PIGB: variants seen among roughly 807,000 people sequenced by gnomAD.
The protein encoded by PIGB is GPI alpha-1,2-mannosyltransferase 3.
Under a neutral mutation model 68.4 loss-of-function variants are expected in PIGB, and 58 were observed. The ratio of observed to expected loss-of-function variants is 0.85; its 90% CI spans 0.69 to 1.06. The LOEUF is 1.06. Ranked by LOEUF, PIGB falls within the 50% of genes least tolerant of loss-of-function variation. The pLI, the probability that PIGB is intolerant of heterozygous loss-of-function variation, is 0.00. For missense variants in PIGB, 634 were observed against 655.8 expected (o/e 0.97, Z 0.36); for synonymous variants, 219 against 220.5 (o/e 0.99, Z 0.06).
At chr15:55,340,137 TAAG>T (rs140063556) in intron 7 of PIGB, 4,913 of 152,278 alleles carry the variant, frequency 0.032, 85 homozygotes, top group Non-Finnish European at 0.041. Flanking sequence ...AAATAACAGT[TAAG>T]AAGGATTTCA....
chr15:55,335,721 A>C (rs1210384106), intron 6 of PIGB, among the ~76,000 whole-genome samples: 1 of 152,122 alleles, frequency 6.6e-6, no homozygotes, highest in African/African-American at 2.4e-5. Flanking sequence ...CCATGTAGTT[A>C]CTTGATGAGA....
At chr15:55,349,147 T>C (rs1318185782) in intron 9 of PIGB, among the ~76,000 whole-genome samples, 8 of 151,466 alleles carry the variant, frequency 5.3e-5, no homozygotes, top group South Asian at 4.2e-4. Flanking sequence ...CCTCCCAAAG[T>C]ACTGGGATTA....
intron 1 of PIGB, chr15:55,319,982 T>C (rs1473589538): frequency 8.2e-6 from 2 of 245,368 alleles, no homozygotes; most frequent in African/African-American, 4.5e-5. Flanking sequence ...ATGACCTAAT[T>C]AATTAGCCTA....
At chr15:55,348,681 T>TG (rs778469355) in intron 9 of PIGB, among the ~76,000 whole-genome samples, 7 of 152,158 alleles carry the variant, frequency 4.6e-5, no homozygotes, top group Non-Finnish European at 8.8e-5. Flanking sequence ...CTGCCATGAG[T>TG]GGAAGCAGCC....
chr15:55,344,709 T>C (rs947114792), intron 9 of PIGB, among the ~76,000 whole-genome samples: 5 of 152,128 alleles, frequency 3.3e-5, no homozygotes, highest in Non-Finnish European at 1.5e-5. Flanking sequence ...TCCTTATCTG[T>C]AAAAGAAAGG....
In PIGB at chr15:55,355,503, G is replaced by C; in HGVS notation, c.*71G>C. ...CTGCTTAAATACTTCGGTAAACACTGGGTAAGATTCATGGAACTTAGAAAA... is the reference window on the plus strand; with the variant it reads ...CTGCTTAAATACTTCGGTAAACACTCGGTAAGATTCATGGAACTTAGAAAA... On this transcript the variant is annotated 3_prime_UTR_variant, in exon 12 of 12. Transcript: ENST00000164305. The C allele has an allele frequency of 8.0e-7, 1 of 1,251,168 alleles. No individual in the cohort carries two copies. The highest frequency in any genetic ancestry group is 1.1e-6 in the Non-Finnish European group (1 of 893,656). 77.5% of individuals were successfully genotyped at this position (1,251,168 alleles called of 1,614,324 possible).
intron 10 of PIGB, among the ~76,000 whole-genome samples, chr15:55,354,332 T>A (rs771397647): frequency 1.3e-5 from 2 of 151,932 alleles, no homozygotes; most frequent in African/African-American, 2.4e-5. Flanking sequence ...ACTTGCCATA[T>A]AAGTATGTGA....
At chr15:55,353,830 C>T (rs1193494003) in intron 10 of PIGB, among the ~76,000 whole-genome samples, 1 of 151,640 alleles carries the variant, frequency 6.6e-6, no homozygotes, top group East Asian at 2.0e-4. Flanking sequence ...GTCTTGAACT[C>T]CTGACCTCCA....
intron 9 of PIGB, among the ~76,000 whole-genome samples, chr15:55,342,175 TTTTGGTGGTGGTGTTTCTA>T (rs1454762727): frequency 5.9e-5 from 9 of 152,174 alleles, no homozygotes; most frequent in African/African-American, 1.2e-4. Context: ...CCAAAGCAGT[TTTTGGTGGTGGTGTTTCTA>T]TTTGGTGGTG....
chr15:55,319,944 G>T (rs556741972), intron 1 of PIGB: 1 of 196,792 alleles, frequency 5.1e-6, no homozygotes, highest in East Asian at 1.3e-4. Flanking sequence ...TTTGTTAGCT[G>T]GTTTCTTTCA....
chr15:55,330,835 A>G (rs990513701), intron 5 of PIGB, among the ~76,000 whole-genome samples: 1 of 152,232 alleles, frequency 6.6e-6, no homozygotes, highest in African/African-American at 2.4e-5. Context: ...ATCAAATCAA[A>G]TAAGATCATT....
intron 9 of PIGB, chr15:55,343,199 C>T (rs2055711656): frequency 6.6e-6 from 1 of 152,084 alleles, no homozygotes; most frequent in African/African-American, 2.4e-5. Context: ...AAATCAAAGC[C>T]TCAGTCTGTC....
Position 55,350,711 on chromosome 15 carries a change from C to G in PIGB, c.1136C>G (p.Thr379Ser). ...FCMVFCGYSL[T>S]HLKTWKKPAL... is the part of the protein sequence containing the mutation. The stretch of plus-strand genomic sequence containing the variant: ...TATCTTCATATAGGATACTCATTAA[C>G]CCACCTGAAAACATGGAAGAAACCA... The change falls in exon 10 of 12, where the codon ACC becomes AGC. Residue 379 changes from threonine (T) to serine (S), a missense_variant. Transcript: ENST00000164305. The G allele has an allele frequency of 6.2e-7, 1 of 1,611,502 alleles. No homozygotes were observed. Among genetic ancestry groups the G allele is most frequent in the Non-Finnish European group, 8.5e-7 (1 of 1,177,810 alleles).
intron 9 of PIGB, among the ~76,000 whole-genome samples, chr15:55,347,587 T>TA (rs2055823744): frequency 6.6e-6 from 1 of 152,208 alleles, no homozygotes; most frequent in Non-Finnish European, 1.5e-5. Flanking sequence ...GGATCCATAA[T>TA]ACTGTTGAAG....
chr15:55,335,569 A>G (rs2055516028), intron 6 of PIGB, among the ~76,000 whole-genome samples: 1 of 152,184 alleles, frequency 6.6e-6, no homozygotes, highest in African/African-American at 2.4e-5. Flanking sequence ...TAATACAGGG[A>G]AAAATAATTG....
At chr15:55,324,454 G>A (rs2055234761) in intron 3 of PIGB, among the ~76,000 whole-genome samples, 1 of 152,162 alleles carries the variant, frequency 6.6e-6, no homozygotes, top group South Asian at 2.1e-4. Context: ...TTATGCGAAA[G>A]TCTACTTTGT....
intron 3 of PIGB, among the ~76,000 whole-genome samples, chr15:55,325,481 C>G (rs1002748743): frequency 2.0e-5 from 3 of 151,998 alleles, no homozygotes; most frequent in Non-Finnish European, 2.9e-5. Context: ...CTGAGAGATG[C>G]TAGTGCATAG....
intron 5 of PIGB, 102 bp from the exon 6 acceptor site, chr15:55,333,765 A>T: frequency 1.3e-6 from 1 of 767,504 alleles, no homozygotes; most frequent in Admixed American, 3.9e-5. Context: ...AAAAGTTCAT[A>T]TAGCTATTTA....
At chr15:55,331,155 G>C (rs921316483) in intron 5 of PIGB, among the ~76,000 whole-genome samples, 1 of 152,140 alleles carries the variant, frequency 6.6e-6, no homozygotes, top group Non-Finnish European at 1.5e-5. Flanking sequence ...CAATTACCCA[G>C]ATTTCTCCAT....
Sources: allele counts gnomAD v4.1 joint callset (sites outside exome capture counted in the v4.1 genomes callset), GRCh38; gene constraint gnomAD v4.1.1; transcripts MANE v1.5; gene names NCBI Gene and HGNC (gene_info 2026-07-23, HGNC 2026-07-21).